Variants in NRXN1 observed in about 807,000 individuals in gnomAD.
The protein encoded by NRXN1 is neurexin-1.
Under a neutral mutation model 150.9 loss-of-function variants are expected in NRXN1, and 39 were observed. The ratio of observed to expected loss-of-function variants is 0.26; its 90% confidence interval spans 0.20 to 0.34. The LOEUF (loss-of-function observed/expected upper bound fraction) is 0.34, where lower values mean the gene tolerates loss of function less well. NRXN1 is among the 10% of genes least tolerant of loss of function. The probability of loss-of-function intolerance (pLI) is 1.00; values close to 1 mark genes in which losing one functional copy is unlikely to be tolerated. For synonymous variants in NRXN1, 924 were observed against 757.0 expected, an observed-to-expected ratio of 1.22 and a Z score of -3.62; for missense variants, 1,815 against 1,949.9, an observed-to-expected ratio of 0.93 and a Z score of 1.30.
intron 17 of NRXN1, among the ~76,000 whole-genome samples, chr2:50,373,566 A>G (rs1158083742): frequency 6.7e-6 from 1 of 149,958 alleles, no homozygotes; most frequent in Non-Finnish European, 1.5e-5. Flanking sequence ...CAATTTTTAT[A>G]GAGAGCCCTG....
At chr2:50,152,162 C>A (rs1035218322) in intron 18 of NRXN1, among the ~76,000 whole-genome samples, 3 of 151,680 alleles carry the variant, frequency 2.0e-5, no homozygotes, top group African/African-American at 7.3e-5. Flanking sequence ...CTCTTTCTAT[C>A]TGGCAAAACT....
chr2:50,793,298 C>A (rs1043709201), intron 5 of NRXN1, among the ~76,000 whole-genome samples: 1 of 151,986 alleles, frequency 6.6e-6, no homozygotes, highest in Non-Finnish European at 1.5e-5. Flanking sequence ...TCAGATAAAT[C>A]ATGCCAGGAT....
At chr2:49,924,482 A>G (rs988510407) in intron 22 of NRXN1, among the ~76,000 whole-genome samples, 3 of 152,208 alleles carry the variant, frequency 2.0e-5, no homozygotes, top group Admixed American at 1.3e-4. Flanking sequence ...ATCTGCTAAA[A>G]TATTTCTGAG....
intron 19 of NRXN1, among the ~76,000 whole-genome samples, chr2:50,077,941 A>C (rs1697346590): frequency 6.6e-6 from 1 of 152,118 alleles, no homozygotes; most frequent in Non-Finnish European, 1.5e-5. Flanking sequence ...ACACAGTTAA[A>C]TTCATAAAGC....
intron 17 of NRXN1, among the ~76,000 whole-genome samples, chr2:50,396,788 A>C (rs1462000461): frequency 6.6e-6 from 1 of 152,126 alleles, no homozygotes; most frequent in Non-Finnish European, 1.5e-5. Context: ...ATGTAAGATG[A>C]TTTCTCAAAG....
intron 2 of NRXN1, among the ~76,000 whole-genome samples, chr2:50,931,217 T>A (rs982709571): frequency 6.6e-6 from 1 of 152,144 alleles, no homozygotes; most frequent in South Asian, 2.1e-4. Context: ...GGTATATAAA[T>A]TTTTTTCACC....
chr2:51,030,953 AC>A (rs569224754), intron 1 of NRXN1, among the ~76,000 whole-genome samples: 55 of 152,008 alleles, frequency 3.6e-4, no homozygotes, highest in African/African-American at 1.3e-3. Flanking sequence ...TGATCACATA[AC>A]CTTTTTTCTC....
intron 12 of NRXN1, among the ~76,000 whole-genome samples, chr2:50,524,647 C>T (rs535527055): frequency 3.3e-5 from 5 of 152,054 alleles, no homozygotes; most frequent in African/African-American, 1.2e-4. Flanking sequence ...ACAAAAGGCT[C>T]CCTGAATCCA....
In NRXN1 at chr2:50,884,523, T is replaced by C. The variant is rs564545134; in HGVS notation, c.832+37346A>G. 1.6e-3 allele frequency among the ~76,000 whole-genome samples: 249 copies of C among 151,856 alleles called. 1 individual carries two copies. Among genetic ancestry groups the C allele is most frequent in the South Asian group, 0.011 (55 of 4,830 alleles). On this transcript the variant is annotated intron_variant, in intron 5 of 22. Transcript: ENST00000401669. ...GAAGATCTATATGAAGAGTGGAAAT[T>C]AGACTAAATATCTTACTAGAGATCA...
chr2:50,632,825 G>A (rs907707942), intron 5 of NRXN1: 4 of 151,994 alleles, frequency 2.6e-5, no homozygotes, highest in Middle Eastern at 3.2e-3. Flanking sequence ...GGTGGCGGGC[G>A]AAAGAATCAG....
chr2:50,212,828 C>T (rs17462099), intron 18 of NRXN1, among the ~76,000 whole-genome samples: 5 of 151,798 alleles, frequency 3.3e-5, no homozygotes, highest in Non-Finnish European at 7.4e-5. Context: ...AAATGCAAGA[C>T]AAATGTGAAC....
chr2:50,210,502 T>G (rs920267545), intron 18 of NRXN1, among the ~76,000 whole-genome samples: 22 of 151,832 alleles, frequency 1.4e-4, no homozygotes, highest in African/African-American at 5.3e-4. Flanking sequence ...ATAATTAGCA[T>G]AAAATGAACT....
At chr2:49,981,574 A>C (rs1679996805) in intron 21 of NRXN1, among the ~76,000 whole-genome samples, 1 of 152,068 alleles carries the variant, frequency 6.6e-6, no homozygotes, top group Admixed American at 6.6e-5. Context: ...TAATGACCCA[A>C]GCAATAATAT....
chr2:50,612,572 A>G (rs552141183), intron 8 of NRXN1, among the ~76,000 whole-genome samples: 1 of 152,158 alleles, frequency 6.6e-6, no homozygotes, highest in Non-Finnish European at 1.5e-5. Flanking sequence ...AATGCTTAAT[A>G]TGTTATTATT....
At chr2:50,428,820 G>T (rs1433262589) in intron 17 of NRXN1, among the ~76,000 whole-genome samples, 1 of 152,140 alleles carries the variant, frequency 6.6e-6, no homozygotes, top group Non-Finnish European at 1.5e-5. Context: ...CAATGAGAAA[G>T]GTACTCTCAT....
chr2:49,974,346 C>T, intron 21 of NRXN1: 1 of 435,522 alleles, frequency 2.3e-6, no homozygotes, highest in Non-Finnish European at 4.4e-6. Flanking sequence ...GCAGTCGTTG[C>T]TTTTCAATTT....
chr2:50,957,989 TC>T (rs1692538853), intron 2 of NRXN1, among the ~76,000 whole-genome samples: 1 of 152,098 alleles, frequency 6.6e-6, no homozygotes, highest in South Asian at 2.1e-4. Context: ...TCCACCCCTC[TC>T]TATTGTCTAA....
At chr2:50,384,551 A>C (rs550279286) in intron 17 of NRXN1, among the ~76,000 whole-genome samples, 1 of 150,664 alleles carries the variant, frequency 6.6e-6, no homozygotes, top group African/African-American at 2.4e-5. Flanking sequence ...CCTCTACATA[A>C]GGTATTGTTT....
chr2:50,402,347 C>A (rs1405379275), intron 17 of NRXN1, among the ~76,000 whole-genome samples: 1 of 151,768 alleles, frequency 6.6e-6, no homozygotes, highest in Non-Finnish European at 1.5e-5. Context: ...TTTTTCCACA[C>A]CCCTTTTTTA....
Sources: gnomAD v4.1 joint callset for allele counts (sites outside exome capture counted in the v4.1 genomes callset) on GRCh38, gnomAD v4.1.1 for gene constraint, MANE v1.5 for transcripts, NCBI Gene and HGNC (gene_info 2026-07-23, HGNC 2026-07-21) for gene names.